The following EYA1 variants were observed in gnomAD, a reference collection of about 807,000 sequenced individuals.
EYA1 encodes protein phosphatase EYA1.
A neutral mutation model predicts 82.0 loss-of-function variants in EYA1; 16 were observed. The ratio of observed to expected loss-of-function variants is 0.20; its 90% CI spans 0.13 to 0.30. The LOEUF is 0.30. EYA1 is among the 10% of genes least tolerant of loss of function. The pLI is 1.00. For synonymous variants in EYA1, 261 were observed against 264.4 expected (o/e 0.99, Z 0.12); for missense variants, 633 against 730.7 (o/e 0.87, Z 1.54).
intron 9 of EYA1, among the ~76,000 whole-genome samples, chr8:71,290,575 G>T (rs1818886353): frequency 6.6e-6 from 1 of 151,960 alleles, no homozygotes; most frequent in Non-Finnish European, 1.5e-5. Flanking sequence ...ACTCTATAAG[G>T]CATCCTGACA....
chr8:71,329,914 A>G (rs1039920987), intron 4 of EYA1, among the ~76,000 whole-genome samples: 4 of 152,112 alleles, frequency 2.6e-5, no homozygotes, highest in Non-Finnish European at 5.9e-5. Flanking sequence ...CAGAAGTAGA[A>G]CAGCAGAGCT....
At chr8:71,452,882 G>T (rs1807512024) in intron 2 of EYA1, among the ~76,000 whole-genome samples, 1 of 152,204 alleles carries the variant, frequency 6.6e-6, no homozygotes. Flanking sequence ...CCAAAGGAAT[G>T]CAGCTCCTTG....
chr8:71,362,220 A>C (rs1586551202), upstream of EYA1: 1 of 953,460 alleles, frequency 1.0e-6, no homozygotes, highest in African/African-American at 2.1e-5. Flanking sequence ...TCTTGTCCTA[A>C]CCTTATTGGT....
chr8:71,402,543 G>A (rs61035181), intron 2 of EYA1, among the ~76,000 whole-genome samples: 220 of 152,216 alleles, frequency 1.4e-3, no homozygotes, highest in African/African-American at 4.8e-3. Flanking sequence ...AAAATTTAAC[G>A]TATACAATAA....
chr8:71,315,914 A>G (rs1821878852), intron 7 of EYA1, among the ~76,000 whole-genome samples: 1 of 152,330 alleles, frequency 6.6e-6, no homozygotes, highest in South Asian at 2.1e-4. Flanking sequence ...AAAATCAAAT[A>G]TGAAAAGGTT....
intron 2 of EYA1, among the ~76,000 whole-genome samples, chr8:71,428,863 A>C (rs2129158371): frequency 6.6e-6 from 1 of 150,966 alleles, no homozygotes; most frequent in Admixed American, 6.6e-5. Flanking sequence ...GAAATCTCTA[A>C]GTTTAATAAC....
intron 9 of EYA1, among the ~76,000 whole-genome samples, chr8:71,282,138 C>A (rs1817877318): frequency 6.6e-6 from 1 of 152,144 alleles, no homozygotes; most frequent in South Asian, 2.1e-4. Context: ...AGTCTGCCTC[C>A]CCTCAGGTTA....
Position 71,445,574 on chromosome 8 carries a change from A to G in EYA1, c.34-89063T>C, listed in dbSNP as rs138162847. 8.4e-4 allele frequency among the ~76,000 whole-genome samples: 128 copies of G among 152,272 alleles called. 1 individual carries two copies. Among genetic ancestry groups the G allele is most frequent in the African/African-American group, 3.0e-3 (126 of 41,548 alleles). On this transcript the variant is annotated intron_variant, in intron 2 of 18. Coordinates refer to the EYA1 transcript ENST00000643681. ...AATATTATTTAGGATCTCACTTTCT[A>G]TATGTGTATTTCATATTGGGACTTT... is the stretch of plus-strand genomic sequence containing the variant.
At chr8:71,384,949 C>A (rs1384296761) in intron 2 of EYA1, among the ~76,000 whole-genome samples, 3 of 152,052 alleles carry the variant, frequency 2.0e-5, no homozygotes, top group African/African-American at 7.2e-5. Context: ...TATGCAGGTA[C>A]CAAACCATGG....
chr8:71,476,087 A>G (rs1809637922), intron 2 of EYA1, among the ~76,000 whole-genome samples: 1 of 152,158 alleles, frequency 6.6e-6, no homozygotes, highest in Non-Finnish European at 1.5e-5. Flanking sequence ...AGCTAATCCT[A>G]CAAACAACTT....
chr8:71,535,766 G>C, exon 2 of EYA1: 4 of 1,520,344 alleles, frequency 2.6e-6, no homozygotes, highest in Non-Finnish European at 3.5e-6. Flanking sequence ...TATCCCCCGG[G>C]GGTCTTCCAT....
chr8:71,273,976 T>A (rs541210996), intron 9 of EYA1, among the ~76,000 whole-genome samples: 17 of 152,348 alleles, frequency 1.1e-4, no homozygotes, highest in African/African-American at 3.4e-4. Flanking sequence ...CTAATGTTTA[T>A]CCCCACTTTA....
chr8:71,395,769 C>T (rs560295678), intron 2 of EYA1, among the ~76,000 whole-genome samples: 1 of 152,210 alleles, frequency 6.6e-6, no homozygotes, highest in East Asian at 1.9e-4. Flanking sequence ...TGCTGTATCT[C>T]TGCCAGGGTT....
intron 2 of EYA1, among the ~76,000 whole-genome samples, chr8:71,475,755 T>C (rs554245854): frequency 1.3e-5 from 2 of 152,322 alleles, no homozygotes; most frequent in East Asian, 3.9e-4. Flanking sequence ...GCTGATTTTG[T>C]ATAAAGAAAA....
intron 6 of EYA1, among the ~76,000 whole-genome samples, chr8:71,320,702 TAC>T (rs763171713): frequency 2.5e-4 from 38 of 152,172 alleles, no homozygotes; most frequent in Non-Finnish European, 5.0e-4. Flanking sequence ...GAAATTCATA[TAC>T]AGTTGATTTT....
In EYA1 at chr8:71,221,923, G is replaced by C. The variant is rs552306569; in HGVS notation, c.1141-4900C>G. Among the ~76,000 whole-genome samples the C allele has an allele frequency of 3.3e-5, 5 of 152,326 alleles. No homozygotes were observed. In the South Asian group the frequency reaches 1.0e-3, roughly 32 times the overall value. ...CACACTGCACAGGCTCAGTTCCCAA[G>C]GGTAAGGGGGGCAATGCACATGCCG... is the stretch of plus-strand genomic sequence containing the variant. On this transcript the variant is annotated intron_variant, in intron 12 of 17. Coordinates refer to ENST00000340726, the MANE Select transcript of EYA1 (RefSeq NM_000503.6).
chr8:71,361,998 C>T lies in EYA1; in HGVS notation c.-406G>A, dbSNP rs549759892. The T allele has an allele frequency of 1.6e-4, 161 of 985,440 alleles. No individual in the cohort carries two copies. In the African/African-American group the frequency reaches 2.4e-3, roughly 15 times the overall value. 61.0% of individuals were successfully genotyped at this position (985,440 alleles called of 1,614,324 possible). ...CAAACTCGGAGCCATCAGCTCCCAC[C>T]GTTCTGTTTGGTAACAGCTTTGCGC... is the stretch of plus-strand genomic sequence containing the variant. On this transcript the variant is annotated 5_prime_UTR_variant, in exon 1 of 18. Transcript: ENST00000340726.
intron 2 of EYA1, among the ~76,000 whole-genome samples, chr8:71,502,923 G>A (rs1419170512): frequency 6.6e-6 from 1 of 152,164 alleles, no homozygotes; most frequent in South Asian, 2.1e-4. Context: ...TGAATGGTGA[G>A]TTCCACTCTG....
chr8:71,519,313 G>T (rs1239668703), intron 2 of EYA1, among the ~76,000 whole-genome samples: 1 of 152,034 alleles, frequency 6.6e-6, no homozygotes, highest in Non-Finnish European at 1.5e-5. Context: ...AACTAATTTA[G>T]TGTAGTTAGC....
Sources: gnomAD v4.1 joint callset for allele counts (sites outside exome capture counted in the v4.1 genomes callset) on GRCh38, gnomAD v4.1.1 for gene constraint, MANE v1.5 for transcripts, NCBI Gene and HGNC (gene_info 2026-07-23, HGNC 2026-07-21) for gene names.